SLC4A10: variants seen among roughly 807,000 people sequenced by gnomAD.
The protein encoded by SLC4A10 is solute carrier family 4 member 10, also known as sodium-driven chloride bicarbonate exchanger.
A neutral mutation model predicts 137.7 loss-of-function variants in SLC4A10; 42 were observed. The observed-to-expected ratio is 0.30, with a 90% CI of 0.24 to 0.39. The LOEUF is 0.39. Among genes scored for constraint, SLC4A10 ranks in the 10% least tolerant of loss-of-function variants. The probability of loss-of-function intolerance (pLI) is 1.00; values close to 1 mark genes in which losing one functional copy is unlikely to be tolerated. For missense variants in SLC4A10, 925 were observed against 1,355.0 expected (o/e 0.68, Z 4.98); for synonymous variants, 474 against 464.1 (o/e 1.02, Z -0.27).
At chr2:161,669,580 G>C (rs1381746631) in intron 1 of SLC4A10, among the ~76,000 whole-genome samples, 1 of 151,938 alleles carries the variant, frequency 6.6e-6, no homozygotes, top group Non-Finnish European at 1.5e-5. Flanking sequence ...CTTTGATGTA[G>C]AGATCATTTT....
chr2:161,785,798 C>T (rs537346526), intron 2 of SLC4A10, among the ~76,000 whole-genome samples: 219 of 152,000 alleles, frequency 1.4e-3, no homozygotes, highest in African/African-American at 5.1e-3. Context: ...GATGTCTACT[C>T]TTGCTACTTC....
intron 15 of SLC4A10, among the ~76,000 whole-genome samples, chr2:161,941,889 A>G (rs1017543440): frequency 6.6e-6 from 1 of 152,158 alleles, no homozygotes; most frequent in Admixed American, 6.6e-5. Context: ...CTCCCTGGAG[A>G]ATCCTCCAAT....
chr2:161,961,970 T>G (rs1350972005), intron 21 of SLC4A10, among the ~76,000 whole-genome samples: 1 of 152,164 alleles, frequency 6.6e-6, no homozygotes, highest in African/African-American at 2.4e-5. Context: ...AAATTCCTAT[T>G]TGGAATTGTA....
At chr2:161,873,346 A>G (rs1190621781) in intron 7 of SLC4A10, among the ~76,000 whole-genome samples, 1 of 151,946 alleles carries the variant, frequency 6.6e-6, no homozygotes, top group Non-Finnish European at 1.5e-5. Flanking sequence ...ATTGCAAGCT[A>G]TGGCAAAGTA....
At chr2:161,834,162 T>C (rs980732609) in intron 3 of SLC4A10, among the ~76,000 whole-genome samples, 2 of 152,244 alleles carry the variant, frequency 1.3e-5, no homozygotes, top group Non-Finnish European at 2.9e-5. Context: ...TATTTAATTC[T>C]TGTATAGCTA....
At chr2:161,670,685 G>T (rs1200593031) in intron 1 of SLC4A10, among the ~76,000 whole-genome samples, 2 of 151,816 alleles carry the variant, frequency 1.3e-5, no homozygotes, top group Non-Finnish European at 2.9e-5. Context: ...TTTATAGTTT[G>T]GTCCAACCCA....
chr2:161,889,220 A>G (rs189932149), intron 10 of SLC4A10, among the ~76,000 whole-genome samples: 194 of 152,304 alleles, frequency 1.3e-3, no homozygotes, highest in African/African-American at 4.5e-3. Context: ...ATCAATGTTC[A>G]TCAGGGATAT....
intron 19 of SLC4A10, among the ~76,000 whole-genome samples, chr2:161,954,097 A>G (rs1695256359): frequency 6.6e-6 from 1 of 152,210 alleles, no homozygotes; most frequent in Non-Finnish European, 1.5e-5. Context: ...CAGCAATACA[A>G]TCCCGGATCA....
chr2:161,894,523 A>G (rs1457317941), intron 10 of SLC4A10, among the ~76,000 whole-genome samples, 156 bp from the exon 11 acceptor site: 1 of 152,106 alleles, frequency 6.6e-6, no homozygotes, highest in South Asian at 2.1e-4. Context: ...AAAATAAATT[A>G]TAATATTTTA....
intron 2 of SLC4A10, among the ~76,000 whole-genome samples, chr2:161,797,172 A>G (rs964213024): frequency 5.3e-5 from 8 of 152,156 alleles, no homozygotes; most frequent in Admixed American, 3.3e-4. Context: ...TTATAAAAAT[A>G]TATGCTCTAT....
At chr2:161,983,066 C>CT in intron 26 of SLC4A10, 113 bp from the exon 27 acceptor site, 1 of 860,202 alleles carries the variant, frequency 1.2e-6, no homozygotes, top group Non-Finnish European at 1.8e-6. Context: ...AGAGCAATGC[C>CT]TACGGGCTCT....
chr2:161,905,798 C>T lies in SLC4A10; in HGVS notation c.1908C>T (p.Phe636=). 6.2e-7 allele frequency: 1 copy of T among 1,613,970 alleles called. No individual in the cohort carries two copies. The highest frequency in any genetic ancestry group is 8.5e-7 in the Non-Finnish European group (1 of 1,179,892). The change falls in exon 15 of 27, where the codon TTC becomes TTT. Residue 636 remains phenylalanine (F), a synonymous_variant. Transcript: ENST00000446997. ...EAFASLICII[F]IYEALEKLFE... ...TTGCTTCCCTGATTTGCATCATTTT[C>T]ATTTATGAGGCCCTGGAGAAGTTGT...
rs1158992776 is a variant in SLC4A10 at position 161,862,164 on chromosome 2, CT to C, written c.578-708del. Among the ~76,000 whole-genome samples, 3 of 152,226 alleles carry C rather than the reference CT, an allele frequency of 2.0e-5. No individual in the cohort carries two copies. The East Asian group carries it at 5.8e-4, about 29-fold the overall frequency. On this transcript the variant is annotated intron_variant, in intron 5 of 26. Transcript: ENST00000446997. ...GGTAAATAATCTGCTTAATTATAGACTTCTGAAATCTCACCTTCCAGTCTTT... is the reference window on the plus strand; with the variant it reads ...GGTAAATAATCTGCTTAATTATAGACTCTGAAATCTCACCTTCCAGTCTTT...
intron 1 of SLC4A10, among the ~76,000 whole-genome samples, chr2:161,651,699 A>G (rs2036819091): frequency 6.6e-6 from 1 of 152,236 alleles, no homozygotes; most frequent in South Asian, 2.1e-4. Context: ...GCACGGAGCT[A>G]GCACTTGTGC....
intron 1 of SLC4A10, among the ~76,000 whole-genome samples, chr2:161,634,135 T>A (rs993075076): frequency 6.6e-6 from 1 of 151,912 alleles, no homozygotes; most frequent in African/African-American, 2.4e-5. Flanking sequence ...ATTTCTTTAA[T>A]CTCCAGTTTG....
chr2:161,697,986 G>A (rs1221488940), intron 1 of SLC4A10, among the ~76,000 whole-genome samples: 5 of 152,168 alleles, frequency 3.3e-5, no homozygotes, highest in Admixed American at 6.5e-5. Flanking sequence ...ATTTCATTGA[G>A]CAGTGGTTTG....
Position 161,781,983 on chromosome 2 carries a change from A to T in SLC4A10, c.130+10929A>T, listed in dbSNP as rs1041730153. On this transcript the variant is annotated intron_variant, in intron 2 of 26. Coordinates refer to ENST00000446997, the MANE Select transcript of SLC4A10 (RefSeq NM_001178015.2). ...CAATACCCCAACTTCGATGGGGGCT[A>T]CCCAAAGGACTGGCTTCTGTCTTCT... Among the ~76,000 whole-genome samples, 22 of 152,194 alleles carry T rather than the reference A, an allele frequency of 1.4e-4. 1 individual carries two copies. The highest frequency in any genetic ancestry group is 2.8e-4 in the Non-Finnish European group (19 of 67,982).
At chr2:161,634,847 T>C (rs2034156653) in intron 1 of SLC4A10, among the ~76,000 whole-genome samples, 1 of 152,016 alleles carries the variant, frequency 6.6e-6, no homozygotes, top group Non-Finnish European at 1.5e-5. Context: ...GACCAACCTT[T>C]ACCCATCATT....
intron 22 of SLC4A10, 21 bp downstream of exon 22, chr2:161,964,329 A>G (rs748505284): frequency 5.6e-6 from 9 of 1,611,208 alleles, no homozygotes; most frequent in East Asian, 2.2e-5. Context: ...TCTGTCAACT[A>G]TTTTTCTCTT....
Sources: gnomAD v4.1 joint callset for allele counts (sites outside exome capture counted in the v4.1 genomes callset) on GRCh38, gnomAD v4.1.1 for gene constraint, MANE v1.5 for transcripts, NCBI Gene and HGNC (gene_info 2026-07-23, HGNC 2026-07-21) for gene names.